Variants in GLT1D1 observed in about 807,000 individuals in gnomAD.
GLT1D1 encodes glycosyltransferase 1 domain-containing protein 1.
Under a neutral mutation model 28.7 loss-of-function variants are expected in GLT1D1, and 21 were observed. The observed-to-expected ratio is 0.73, with a 90% CI of 0.52 to 1.05. GLT1D1 has a LOEUF of 1.05. GLT1D1 is among the 50% of genes least tolerant of loss of function. The probability of loss-of-function intolerance (pLI) is 0.00; values close to 1 mark genes in which losing one functional copy is unlikely to be tolerated. For missense variants in GLT1D1, 343 were observed against 330.6 expected, an observed-to-expected ratio of 1.04 and a Z score of -0.29; for synonymous variants, 147 against 124.8, an observed-to-expected ratio of 1.18 and a Z score of -1.19.
At chr12:128,970,916 A>G (rs1341545139) in intron 7 of GLT1D1, among the ~76,000 whole-genome samples, 1 of 152,240 alleles carries the variant, frequency 6.6e-6, no homozygotes, top group Non-Finnish European at 1.5e-5. Flanking sequence ...GGACTCTGAT[A>G]TGGACTGGGT....
Position 128,884,014 on chromosome 12 carries a change from C to T in GLT1D1, c.218-4625C>T, listed in dbSNP as rs1437414026. On this transcript the variant is annotated intron_variant, in intron 2 of 7. Coordinates refer to ENST00000281703, the MANE Select transcript of GLT1D1 (RefSeq NM_144669.3). ...GAATAAGAGTTTATAAATATATCCTCGAAAAATGAAAAATAGAACTACCGT... is the reference window on the plus strand; with the variant it reads ...GAATAAGAGTTTATAAATATATCCTTGAAAAATGAAAAATAGAACTACCGT... Among the ~76,000 whole-genome samples, 11 of 152,104 alleles carry T rather than the reference C, an allele frequency of 7.2e-5. No individual in the cohort carries two copies. In the East Asian group the frequency reaches 7.7e-4, roughly 11 times the overall value.
At chr12:128,947,196 A>C in intron 5 of GLT1D1, 142 bp from the exon 10 acceptor site, 1 of 870,506 alleles carries the variant, frequency 1.1e-6, no homozygotes, top group Non-Finnish European at 1.8e-6. Context: ...ACCCCAGTAT[A>C]GTTCTCCTGG....
intron 1 of GLT1D1, among the ~76,000 whole-genome samples, chr12:128,858,350 A>G (rs960456987): frequency 6.6e-4 from 100 of 152,188 alleles, no homozygotes; most frequent in Non-Finnish European, 9.8e-4. Context: ...CTGCAGAGCC[A>G]TCCTTTGTGG....
chr12:128,859,565 T>C (rs1798914), intron 1 of GLT1D1, among the ~76,000 whole-genome samples: 109,190 of 151,984 alleles, frequency 0.72, 39,609 homozygotes, highest in South Asian at 0.88. Flanking sequence ...AGAGTGACCC[T>C]GCTCCACATG....
intron 7 of GLT1D1, among the ~76,000 whole-genome samples, chr12:128,977,121 G>C (rs1283402121): frequency 1.3e-5 from 2 of 152,194 alleles, no homozygotes; most frequent in Non-Finnish European, 2.9e-5. Flanking sequence ...ACTCCAGCCT[G>C]GGCGACAGAG....
At chr12:128,936,928 G>C (rs1874628965) in intron 4 of GLT1D1, among the ~76,000 whole-genome samples, 1 of 152,128 alleles carries the variant, frequency 6.6e-6, no homozygotes, top group Admixed American at 6.5e-5. Context: ...TTCACTAAGA[G>C]ATTTGAAAGT....
chr12:128,858,255 A>C (rs1037546120), intron 1 of GLT1D1, among the ~76,000 whole-genome samples: 17 of 151,934 alleles, frequency 1.1e-4, no homozygotes, highest in African/African-American at 3.9e-4. Flanking sequence ...TTCCAGTCTG[A>C]CTCTGGCATA....
intron 1 of GLT1D1, among the ~76,000 whole-genome samples, chr12:128,855,538 C>T (rs76689200): frequency 0.093 from 14,129 of 152,098 alleles, 735 homozygotes; most frequent in East Asian, 0.18. Flanking sequence ...TGAACTCCAG[C>T]CTGGGTGGCA....
At chr12:128,943,900 CAT>C (rs1477952954) in intron 4 of GLT1D1, among the ~76,000 whole-genome samples, 1 of 152,182 alleles carries the variant, frequency 6.6e-6, no homozygotes, top group East Asian at 1.9e-4. Context: ...CCCCCAATGA[CAT>C]GTAACTTTTT....
intron 1 of GLT1D1, 128 bp from the exon 2 acceptor site, chr12:128,875,786 G>A (rs12818190): frequency 0.06 from 54,735 of 906,906 alleles, 2,160 homozygotes; most frequent in Middle Eastern, 0.12. Context: ...GGCAACATGA[G>A]TGAAACTCTG....
chr12:128,958,586 CAAAAAAA>C (rs1164628353), intron 7 of GLT1D1, among the ~76,000 whole-genome samples: 1 of 74,438 alleles, frequency 1.3e-5, no homozygotes, highest in South Asian at 6.4e-4. Flanking sequence ...ATTAAAAAGA[CAAAAAAA>C]AAAAAAAAAA....
chr12:128,956,585 C>T (rs1324408402), intron 6 of GLT1D1, among the ~76,000 whole-genome samples: 1 of 152,170 alleles, frequency 6.6e-6, no homozygotes, highest in Non-Finnish European at 1.5e-5. Context: ...CCCCGATCCT[C>T]ACCTGAATCA....
intron 7 of GLT1D1, among the ~76,000 whole-genome samples, chr12:128,975,907 C>T (rs1879721983): frequency 6.6e-6 from 1 of 152,226 alleles, no homozygotes. Flanking sequence ...TAGAGAAGAG[C>T]TTCGTGTTCT....
intron 7 of GLT1D1, among the ~76,000 whole-genome samples, chr12:128,975,588 C>T (rs1879693914): frequency 6.6e-6 from 1 of 152,166 alleles, no homozygotes; most frequent in South Asian, 2.1e-4. Context: ...GTAGCTGGGA[C>T]TACAGGCGCG....
chr12:128,866,734 C>T (rs1482524240), intron 1 of GLT1D1, among the ~76,000 whole-genome samples: 1 of 151,986 alleles, frequency 6.6e-6, no homozygotes, highest in Non-Finnish European at 1.5e-5. Context: ...GATTCTCCTG[C>T]CTCAGCCTCC....
chr12:128,945,243 G>A (rs1351258300), intron 4 of GLT1D1, 83 bp from the exon 9 acceptor site: 2 of 1,395,604 alleles, frequency 1.4e-6, no homozygotes, highest in Non-Finnish European at 2.0e-6. Context: ...CTGGCACCAG[G>A]GCTTTGGCCT....
At chr12:128,894,999 T>A (rs147563248) in intron 3 of GLT1D1, among the ~76,000 whole-genome samples, 1 of 152,160 alleles carries the variant, frequency 6.6e-6, no homozygotes, top group African/African-American at 2.4e-5. Context: ...CCACAGGAGA[T>A]GCTTTGAGCT....
Position 128,964,649 on chromosome 12 carries a change from C to T in GLT1D1, c.639+7006C>T, listed in dbSNP as rs189344709. ...AATCACCGTTGGACCTGTGGGAGAACTGAAGCATGGAGAAACCCAGTTAAC... is the reference window on the plus strand; with the variant it reads ...AATCACCGTTGGACCTGTGGGAGAATTGAAGCATGGAGAAACCCAGTTAAC... On this transcript the variant is annotated intron_variant, in intron 7 of 7. Transcript: ENST00000281703. Among the ~76,000 whole-genome samples the T allele has an allele frequency of 3.0e-3, 459 of 152,272 alleles. 2 individuals are homozygous for T. The highest frequency in any genetic ancestry group is 0.011 in the African/African-American group (445 of 41,556).
chr12:128,934,382 C>T (rs553270846), intron 4 of GLT1D1, among the ~76,000 whole-genome samples: 2 of 151,980 alleles, frequency 1.3e-5, no homozygotes, highest in South Asian at 2.1e-4. Context: ...TTAGTAGAGA[C>T]GGGGTTTTGC....
Sources: allele counts gnomAD v4.1 joint callset (sites outside exome capture counted in the v4.1 genomes callset), GRCh38; gene constraint gnomAD v4.1.1; transcripts MANE v1.5; gene names NCBI Gene and HGNC (gene_info 2026-07-23, HGNC 2026-07-21).